The following GDA variants were observed in gnomAD, a reference collection of about 807,000 sequenced individuals.
GDA encodes the protein cytoplasmic PSD-95 interactor.
A neutral mutation model predicts 59.6 loss-of-function variants in GDA; 18 were observed. The ratio of observed to expected loss-of-function variants is 0.30; its 90% CI spans 0.21 to 0.45. GDA has a LOEUF of 0.45. Among genes scored for constraint, GDA ranks in the 20% least tolerant of loss-of-function variants. The pLI, the probability that GDA is intolerant of heterozygous loss-of-function variation, is 1.00. For synonymous variants in GDA, 201 were observed against 201.1 expected, an observed-to-expected ratio of 1.00 and a Z score of 0.00; for missense variants, 427 against 552.3, an observed-to-expected ratio of 0.77 and a Z score of 2.27.
chr9:72,164,295 T>C (rs1472178683), intron 1 of GDA, among the ~76,000 whole-genome samples: 8 of 152,128 alleles, frequency 5.3e-5, no homozygotes, highest in African/African-American at 1.9e-4. Context: ...CGGGAGGGTA[T>C]TGTCATAGAA....
At chr9:72,222,319 G>A (rs969223320) in intron 6 of GDA, among the ~76,000 whole-genome samples, 1 of 152,100 alleles carries the variant, frequency 6.6e-6, no homozygotes, top group Non-Finnish European at 1.5e-5. Flanking sequence ...CAGTGATGTT[G>A]AGCTTTTTTT....
chr9:72,210,005 T>C (rs1050406318), intron 3 of GDA, among the ~76,000 whole-genome samples: 1 of 152,088 alleles, frequency 6.6e-6, no homozygotes, highest in Non-Finnish European at 1.5e-5. Flanking sequence ...AAATCTCTCT[T>C]ATAAGGAAGA....
At chr9:72,259,133 T>A (rs966883410), downstream of GDA, among the ~76,000 whole-genome samples, 1 of 151,958 alleles carries the variant, frequency 6.6e-6, no homozygotes, top group African/African-American at 2.4e-5. Context: ...TAAGCGATTC[T>A]TCTGCCTCAG....
At chr9:72,122,898 T>C (rs2130581370) in intron 1 of GDA, among the ~76,000 whole-genome samples, 1 of 152,280 alleles carries the variant, frequency 6.6e-6, no homozygotes, top group African/African-American at 2.4e-5. Context: ...GGGAGAAGAA[T>C]CCACTTTGAC....
intron 1 of GDA, among the ~76,000 whole-genome samples, chr9:72,137,331 C>T (rs1255834452): frequency 7.1e-6 from 1 of 140,178 alleles, no homozygotes; most frequent in Non-Finnish European, 1.5e-5. Context: ...ACTGCAAGCT[C>T]CACCTCCCGG....
chr9:72,156,775 A>C (rs1003751996), intron 1 of GDA, among the ~76,000 whole-genome samples: 1 of 152,178 alleles, frequency 6.6e-6, no homozygotes, highest in African/African-American at 2.4e-5. Flanking sequence ...GCTTCCTGGT[A>C]GCTGAGGGTG....
intron 3 of GDA, 31 bp from the exon 4 acceptor site, chr9:72,210,656 G>T (rs755884857): frequency 8.1e-7 from 1 of 1,238,190 alleles, no homozygotes; most frequent in East Asian, 2.3e-5. Flanking sequence ...CTGAGCACAC[G>T]TGATTCGCGG....
chr9:72,153,030 C>A (rs1827421155), intron 1 of GDA, among the ~76,000 whole-genome samples: 1 of 152,138 alleles, frequency 6.6e-6, no homozygotes, highest in African/African-American at 2.4e-5. Flanking sequence ...TTTCCTAGCA[C>A]CATTTATTAA....
chr9:72,246,235 C>T (rs1288066485), intron 12 of GDA, among the ~76,000 whole-genome samples: 1 of 152,140 alleles, frequency 6.6e-6, no homozygotes, highest in Non-Finnish European at 1.5e-5. Context: ...GCAACCACTG[C>T]CTCCTGGGTT....
At chr9:72,174,000 C>T (rs1351063530) in intron 1 of GDA, among the ~76,000 whole-genome samples, 1 of 152,216 alleles carries the variant, frequency 6.6e-6, no homozygotes, top group Non-Finnish European at 1.5e-5. Context: ...AGGGTTCTCC[C>T]TGTCTCTAAG....
rs140473221 is a variant in GDA at position 72,250,708 on chromosome 9, CTTAT to C, written c.*2369_*2372del. Reference sequence around the variant, plus strand: ...TGGAGAGGCACTTTTCCAAGCCAATCTTATTTGTCACTTTTTGTTTTAATATCTT... The same window carrying C: ...TGGAGAGGCACTTTTCCAAGCCAATCTTGTCACTTTTTGTTTTAATATCTT... On this transcript the variant is annotated 3_prime_UTR_variant, in exon 14 of 14. Transcript: ENST00000358399. The C allele has an allele frequency of 9.1e-4, 1,467 of 1,611,442 alleles. 8 individuals carry two copies. In the African/African-American group the frequency reaches 0.017, roughly 19 times the overall value.
intron 1 of GDA, 103 bp from the exon 2 acceptor site, chr9:72,195,397 C>A: frequency 3.1e-4 from 57 of 181,178 alleles, no homozygotes; most frequent in Non-Finnish European, 4.7e-4. Flanking sequence ...TACCTTTTAA[C>A]TCAGCTATAG....
intron 1 of GDA, among the ~76,000 whole-genome samples, chr9:72,186,137 C>T (rs530791152): frequency 3.9e-5 from 6 of 152,174 alleles, no homozygotes; most frequent in South Asian, 2.1e-4. Flanking sequence ...ATCCAGGAAA[C>T]CTTGGGATGA....
chr9:72,135,222 G>A (rs922989976), intron 1 of GDA, among the ~76,000 whole-genome samples: 11 of 106,252 alleles, frequency 1.0e-4, no homozygotes, highest in Admixed American at 5.8e-4. Context: ...GCCTACGTAC[G>A]TGTGTGTGTG....
chr9:72,254,969 C>A (rs1053307848), downstream of GDA, among the ~76,000 whole-genome samples: 1 of 152,152 alleles, frequency 6.6e-6, no homozygotes, highest in Non-Finnish European at 1.5e-5. Context: ...TTGACTGAAG[C>A]ACAGCAACAG....
intron 10 of GDA, among the ~76,000 whole-genome samples, chr9:72,233,430 G>T (rs186993959): frequency 6.6e-6 from 1 of 152,288 alleles, no homozygotes; most frequent in East Asian, 1.9e-4. Context: ...TGAAAAGATT[G>T]TGGTAGAAAT....
chr9:72,159,977 C>T (rs1587401830), intron 1 of GDA, among the ~76,000 whole-genome samples: 1 of 152,168 alleles, frequency 6.6e-6, no homozygotes, highest in African/African-American at 2.4e-5. Flanking sequence ...TGTACAACTA[C>T]CACCACACTG....
At chr9:72,206,051 A>C (rs1025916579) in intron 3 of GDA, among the ~76,000 whole-genome samples, 13 of 152,150 alleles carry the variant, frequency 8.5e-5, no homozygotes, top group African/African-American at 3.1e-4. Flanking sequence ...TATCCGTTTT[A>C]ATTTTGAGTT....
chr9:72,151,885 G>A (rs1203475793), intron 1 of GDA, among the ~76,000 whole-genome samples: 1 of 152,114 alleles, frequency 6.6e-6, no homozygotes, highest in Non-Finnish European at 1.5e-5. Context: ...TTACAGGCGT[G>A]AGCCACCGCG....
Sources: gnomAD v4.1 joint callset for allele counts (sites outside exome capture counted in the v4.1 genomes callset) on GRCh38, gnomAD v4.1.1 for gene constraint, MANE v1.5 for transcripts, NCBI Gene and HGNC (gene_info 2026-07-23, HGNC 2026-07-21) for gene names.